PHACTR1: variants seen among roughly 807,000 people sequenced by gnomAD.
PHACTR1 encodes the protein RPEL repeat containing 1.
Under a neutral mutation model 69.2 loss-of-function variants are expected in PHACTR1, and 16 were observed. That is an observed-to-expected ratio of 0.23 (90% confidence interval 0.16 to 0.35). PHACTR1 has a LOEUF of 0.35. Among genes scored for constraint, PHACTR1 ranks in the 10% least tolerant of loss-of-function variants. The pLI, the probability that PHACTR1 is intolerant of heterozygous loss-of-function variation, is 1.00. For synonymous variants in PHACTR1, 312 were observed against 284.5 expected (o/e 1.10, Z -0.97); for missense variants, 510 against 734.7 (o/e 0.69, Z 3.54).
chr6:12,903,691 A>G (rs1785431288), intron 4 of PHACTR1, among the ~76,000 whole-genome samples: 1 of 152,268 alleles, frequency 6.6e-6, no homozygotes, highest in Non-Finnish European at 1.5e-5. Context: ...ATTAAAGGTA[A>G]TAAATATGTC....
At chr6:12,813,503 C>T (rs992058762) in intron 4 of PHACTR1, among the ~76,000 whole-genome samples, 51 of 152,218 alleles carry the variant, frequency 3.4e-4, no homozygotes. Flanking sequence ...CACAGTCTAA[C>T]AGTTTAGAGA....
chr6:13,088,387 C>T (rs1472257846), intron 5 of PHACTR1, among the ~76,000 whole-genome samples: 1 of 150,750 alleles, frequency 6.6e-6, no homozygotes, highest in Admixed American at 6.6e-5. Flanking sequence ...CTCCATTTCA[C>T]CCTGGACCTG....
At chr6:12,914,985 G>A (rs1715544566) in intron 4 of PHACTR1, among the ~76,000 whole-genome samples, 1 of 152,214 alleles carries the variant, frequency 6.6e-6, no homozygotes, top group Admixed American at 6.5e-5. Context: ...TGATGAAGGT[G>A]AGCCTAGGTT....
chr6:12,985,895 G>A (rs1796130664), intron 4 of PHACTR1, among the ~76,000 whole-genome samples: 6 of 151,638 alleles, frequency 4.0e-5, no homozygotes, highest in Admixed American at 3.9e-4. Context: ...GAGTGCAATG[G>A]CACTATCTCA....
At chr6:12,833,578 G>C (rs1777826993) in intron 4 of PHACTR1, among the ~76,000 whole-genome samples, 1 of 152,092 alleles carries the variant, frequency 6.6e-6, no homozygotes, top group Admixed American at 6.6e-5. Context: ...ATTCTTGAAT[G>C]ACATCTGAAT....
intron 5 of PHACTR1, among the ~76,000 whole-genome samples, chr6:13,148,596 C>G (rs1010213544): frequency 1.3e-5 from 2 of 152,060 alleles, no homozygotes; most frequent in African/African-American, 4.8e-5. Context: ...CATATACCTA[C>G]TCAGTTAACA....
chr6:12,909,966 T>C (rs768134846), intron 4 of PHACTR1, among the ~76,000 whole-genome samples: 3 of 152,250 alleles, frequency 2.0e-5, no homozygotes, highest in Non-Finnish European at 2.9e-5. Flanking sequence ...CTTCAGTATC[T>C]GTCCAGCCCT....
chr6:13,059,375 G>C (rs539388630), intron 5 of PHACTR1, among the ~76,000 whole-genome samples: 1 of 152,088 alleles, frequency 6.6e-6, no homozygotes, highest in African/African-American at 2.4e-5. Context: ...GAGATCTACT[G>C]TATAATACAG....
At chr6:13,158,881 T>C (rs1758570952) in intron 5 of PHACTR1, among the ~76,000 whole-genome samples, 1 of 152,254 alleles carries the variant, frequency 6.6e-6, no homozygotes, top group African/African-American at 2.4e-5. Context: ...GTTTAATTAA[T>C]CTGTATCTGA....
intron 5 of PHACTR1, among the ~76,000 whole-genome samples, chr6:13,125,966 T>G (rs947985951): frequency 1.3e-5 from 2 of 152,136 alleles, no homozygotes; most frequent in African/African-American, 2.4e-5. Flanking sequence ...CCAAATTAAA[T>G]AAATGCCTTT....
At position 13,238,496 on chromosome 6, in the gene PHACTR1, C is replaced by T. The variant is rs79423626; in HGVS notation, c.1391+8303C>T. Reference sequence around the variant, plus strand: ...GTATTTTATACTCCTAAGTAGTCTACACCATTGTTGCTATAAGCAGAATAT... The same window carrying T: ...GTATTTTATACTCCTAAGTAGTCTATACCATTGTTGCTATAAGCAGAATAT... On this transcript the variant is annotated intron_variant, in intron 10 of 14. Transcript: ENST00000332995. Among the ~76,000 whole-genome samples the T allele has an allele frequency of 4.9e-4, 74 of 152,272 alleles. 1 individual carries two copies. The East Asian group carries it at 0.011, about 23-fold the overall frequency.
chr6:12,785,153 T>C (rs1184960628), intron 4 of PHACTR1, among the ~76,000 whole-genome samples: 1 of 152,120 alleles, frequency 6.6e-6, no homozygotes, highest in Non-Finnish European at 1.5e-5. Context: ...GAACTCCCCA[T>C]AGGAGTGTAT....
At chr6:13,226,088 A>G (rs1347025325) in intron 8 of PHACTR1, among the ~76,000 whole-genome samples, 1 of 152,210 alleles carries the variant, frequency 6.6e-6, no homozygotes, top group East Asian at 1.9e-4. Context: ...AATGTGATAA[A>G]CCACTAATAA....
At chr6:13,249,623 A>G (rs758134226) in intron 10 of PHACTR1, among the ~76,000 whole-genome samples, 8 of 151,970 alleles carry the variant, frequency 5.3e-5, no homozygotes, top group Non-Finnish European at 1.2e-4. Flanking sequence ...ACATGGTGAA[A>G]CCTCATGTCT....
chr6:12,832,177 A>G (rs1046017330), intron 4 of PHACTR1, among the ~76,000 whole-genome samples: 2 of 152,144 alleles, frequency 1.3e-5, no homozygotes, highest in Non-Finnish European at 2.9e-5. Context: ...GCTCATCTCT[A>G]TCAGAACTAT....
At chr6:13,226,801 G>A (rs985064404) in intron 8 of PHACTR1, among the ~76,000 whole-genome samples, 2 of 148,640 alleles carry the variant, frequency 1.3e-5, no homozygotes, top group South Asian at 2.1e-4. Flanking sequence ...GCAGTGACAC[G>A]ATCTTGGCTC....
At chr6:12,976,439 G>A (rs1562081836) in intron 4 of PHACTR1, among the ~76,000 whole-genome samples, 2 of 152,148 alleles carry the variant, frequency 1.3e-5, no homozygotes, top group African/African-American at 4.8e-5. Context: ...GACCTTGAAA[G>A]TTTCAGAGAT....
intron 5 of PHACTR1, among the ~76,000 whole-genome samples, chr6:13,096,853 T>G (rs571572955): frequency 6.6e-6 from 1 of 152,230 alleles, no homozygotes; most frequent in Non-Finnish European, 1.5e-5. Context: ...TCAAGAGGCA[T>G]GTAGCTTCTC....
chr6:13,218,958 G>C (rs375291412), intron 8 of PHACTR1, among the ~76,000 whole-genome samples: 1 of 151,848 alleles, frequency 6.6e-6, no homozygotes, highest in Non-Finnish European at 1.5e-5. Flanking sequence ...TTATCTACCC[G>C]GGCTCTCAAC....
Sources: gnomAD v4.1 joint callset for allele counts (sites outside exome capture counted in the v4.1 genomes callset) on GRCh38, gnomAD v4.1.1 for gene constraint, MANE v1.5 for transcripts, NCBI Gene and HGNC (gene_info 2026-07-23, HGNC 2026-07-21) for gene names.